XDH: variants seen among roughly 807,000 people sequenced by gnomAD.
XDH encodes xanthine dehydrogenase/oxidase.
In XDH, 138 loss-of-function variants were observed where a neutral mutation model predicts 156.1. The observed-to-expected ratio is 0.88, with a 90% CI of 0.77 to 1.02. The LOEUF (loss-of-function observed/expected upper bound fraction) is 1.02. Ranked by LOEUF, XDH falls within the 50% of genes least tolerant of loss-of-function variation. The probability of loss-of-function intolerance (pLI) is 0.00; values close to 1 mark genes in which losing one functional copy is unlikely to be tolerated. For missense variants in XDH, 1,849 were observed against 1,684.9 expected, an observed-to-expected ratio of 1.10 and a Z score of -1.71; for synonymous variants, 669 against 625.7, an observed-to-expected ratio of 1.07 and a Z score of -1.03.
chr2:31,397,910 AG>A (rs1351841928), intron 5 of XDH, among the ~76,000 whole-genome samples, 181 bp from the exon 6 acceptor site: 1 of 152,210 alleles, frequency 6.6e-6, no homozygotes, highest in African/African-American at 2.4e-5. Flanking sequence ...TCATGATTTC[AG>A]GAAGTCTTTC....
chr2:31,378,233 C>G (rs1018299167), intron 13 of XDH, among the ~76,000 whole-genome samples: 8 of 152,116 alleles, frequency 5.3e-5, no homozygotes, highest in African/African-American at 1.7e-4. Flanking sequence ...CACTATCACA[C>G]TATGAAACAA....
At chr2:31,338,741 T>TG (rs1390875862) in intron 34 of XDH, among the ~76,000 whole-genome samples, 1 of 124,930 alleles carries the variant, frequency 8.0e-6, no homozygotes, top group Admixed American at 7.9e-5. Flanking sequence ...TTTTTTTTTT[T>TG]GAGACAGAGT....
rs761545629 is a variant in XDH, at chr2:31,337,739, G to A, written c.3853C>T (p.Gln1285Ter). The A allele has an allele frequency of 9.3e-6, 15 of 1,614,202 alleles. No homozygotes were observed. The highest frequency in any genetic ancestry group is 1.3e-5 in the Non-Finnish European group (15 of 1,180,036). ...IKDAIRAARA[Q>*]HTGNNVKELF... ...TCCTTCACGTTATTACCTGTGTGCT[G>A]AGCTCGAGCTGCACGGATGGCATCT... is the stretch of plus-strand genomic sequence containing the variant. Residue 1285 changes from glutamine to a stop codon, truncating the protein, a stop_gained, in exon 35 of 36, where the codon CAG (glutamine) becomes TAG (stop). Coordinates refer to ENST00000379416, the MANE Select transcript of XDH (RefSeq NM_000379.4). LOFTEE classifies it high-confidence loss of function.
chr2:31,402,067 C>T (rs1687073627), intron 3 of XDH, among the ~76,000 whole-genome samples: 2 of 152,132 alleles, frequency 1.3e-5, no homozygotes, highest in South Asian at 2.1e-4. Flanking sequence ...GAAGACTCAG[C>T]AGAGGAAACC....
intron 17 of XDH, among the ~76,000 whole-genome samples, chr2:31,370,858 A>G (rs1455804116): frequency 6.6e-6 from 1 of 152,158 alleles, no homozygotes; most frequent in South Asian, 2.1e-4. Flanking sequence ...TAAAGTGAAG[A>G]AGGCAGGCCA....
intron 6 of XDH, among the ~76,000 whole-genome samples, chr2:31,396,459 T>C (rs920468093): frequency 5.9e-5 from 9 of 152,184 alleles, no homozygotes; most frequent in Non-Finnish European, 8.8e-5. Flanking sequence ...AGCTTCATAA[T>C]TTATAGTTCC....
rs187089956 is a variant in XDH, at chr2:31,334,435, A to C, written c.*1523T>G. ...TTCTCTCTGGCAGAAGGTTGGATTT[A>C]TACAGTGAAGGCATGTGACAGTGAC... On this transcript the variant is annotated 3_prime_UTR_variant, in exon 36 of 36. Coordinates refer to ENST00000379416, the MANE Select transcript of XDH (RefSeq NM_000379.4). 6.6e-6 allele frequency: 1 copy of C among 152,336 alleles called. No homozygotes were observed. Among genetic ancestry groups the C allele is most frequent in the East Asian group, 1.9e-4 (1 of 5,188 alleles). The allele number at this position is 152,336 out of a possible 1,614,324, so 9.4% of individuals were successfully genotyped here.
At chr2:31,386,839 G>A (rs937730923) in intron 8 of XDH, among the ~76,000 whole-genome samples, 1 of 111,786 alleles carries the variant, frequency 8.9e-6, no homozygotes, top group Non-Finnish European at 1.8e-5. Flanking sequence ...CCTGCCATGA[G>A]GGGTCCCCAA....
At chr2:31,381,531 G>T in intron 12 of XDH, 102 bp downstream of exon 12, 1 of 1,162,334 alleles carries the variant, frequency 8.6e-7, no homozygotes, top group Non-Finnish European at 1.3e-6. Flanking sequence ...GGGAAAGCTG[G>T]GTCACTGAAC....
At chr2:31,399,565 T>A (rs1687000475) in intron 4 of XDH, among the ~76,000 whole-genome samples, 1 of 152,222 alleles carries the variant, frequency 6.6e-6, no homozygotes, top group African/African-American at 2.4e-5. Flanking sequence ...ATTATACAGA[T>A]ACAACCTAAT....
intron 30 of XDH, among the ~76,000 whole-genome samples, chr2:31,345,307 A>G (rs1685251864): frequency 6.6e-6 from 1 of 152,184 alleles, no homozygotes; most frequent in South Asian, 2.1e-4. Context: ...CCATTATAAA[A>G]GCAACACGCT....
At chr2:31,341,260 G>T in intron 33 of XDH, 69 bp downstream of exon 33, 1 of 1,396,514 alleles carries the variant, frequency 7.2e-7, no homozygotes, top group Non-Finnish European at 9.9e-7. Flanking sequence ...TGTGGCAGGT[G>T]GCCCCAGGAG....
At chr2:31,347,445 C>T in intron 29 of XDH, 77 bp downstream of exon 29, 2 of 1,605,820 alleles carry the variant, frequency 1.2e-6, no homozygotes, top group Non-Finnish European at 1.7e-6. Context: ...ACCCTTCTAG[C>T]TCCCACCCAG....
intron 10 of XDH, among the ~76,000 whole-genome samples, chr2:31,383,507 C>G (rs566726914): frequency 2.1e-4 from 31 of 150,770 alleles, no homozygotes; most frequent in African/African-American, 6.8e-4. Context: ...ATGAGTGATT[C>G]TAATGTGTAG....
chr2:31,343,766 T>C (rs1685205531), intron 31 of XDH, among the ~76,000 whole-genome samples: 1 of 146,036 alleles, frequency 6.8e-6, no homozygotes, highest in Non-Finnish European at 1.5e-5. Flanking sequence ...TATAAATGTT[T>C]TTTGTGTGTA....
chr2:31,349,045 A>G (rs1685380952), intron 26 of XDH, 65 bp from the exon 27 acceptor site: 1 of 1,492,016 alleles, frequency 6.7e-7, no homozygotes, highest in Non-Finnish European at 9.3e-7. Flanking sequence ...ATATCTTTGG[A>G]TGTTCACATC....
chr2:31,407,243 C>T (rs908619156), intron 1 of XDH, among the ~76,000 whole-genome samples: 1 of 152,110 alleles, frequency 6.6e-6, no homozygotes, highest in African/African-American at 2.4e-5. Context: ...ATAGGCTTAA[C>T]AAGAAATTAA....
chr2:31,365,843 A>C (rs1685901260), intron 22 of XDH, 133 bp downstream of exon 22: 3 of 1,479,176 alleles, frequency 2.0e-6, no homozygotes, highest in Admixed American at 3.9e-5. Context: ...GGGTTCTAAA[A>C]ACAGAGGGCT....
At chr2:31,367,877 G>T in intron 20 of XDH, 84 bp downstream of exon 20, 1 of 1,314,074 alleles carries the variant, frequency 7.6e-7, no homozygotes, top group Non-Finnish European at 1.1e-6. Flanking sequence ...TCACTTCCCT[G>T]CTTCAGGGTT....
Sources: allele counts gnomAD v4.1 joint callset (sites outside exome capture counted in the v4.1 genomes callset), GRCh38; gene constraint gnomAD v4.1.1; transcripts MANE v1.5; gene names NCBI Gene and HGNC (gene_info 2026-07-23, HGNC 2026-07-21).